KCND2: variants seen among roughly 807,000 people sequenced by gnomAD.
KCND2 encodes the protein A-type voltage-gated potassium channel KCND2.
Under a neutral mutation model 54.4 loss-of-function variants are expected in KCND2, and 16 were observed. That is an observed-to-expected ratio of 0.29 (90% CI 0.20 to 0.45). The LOEUF (loss-of-function observed/expected upper bound fraction) is 0.45. Among genes scored for constraint, KCND2 ranks in the 20% least tolerant of loss-of-function variants. KCND2 has a pLI of 1.00. For synonymous variants in KCND2, 317 were observed against 310.7 expected (o/e 1.02, Z -0.21); for missense variants, 486 against 824.2 (o/e 0.59, Z 5.02).
intron 1 of KCND2, among the ~76,000 whole-genome samples, chr7:120,381,904 A>C (rs1252409912): frequency 6.6e-6 from 1 of 152,052 alleles, no homozygotes; most frequent in Non-Finnish European, 1.5e-5. Context: ...ATGAGGTTTA[A>C]CAGTAAACTA....
At chr7:120,332,610 G>A (rs907073396) in intron 1 of KCND2, among the ~76,000 whole-genome samples, 1 of 152,034 alleles carries the variant, frequency 6.6e-6, no homozygotes, top group Non-Finnish European at 1.5e-5. Flanking sequence ...TGAATGTTTA[G>A]CACTCTGGCA....
chr7:120,589,506 C>T (rs1331316494), intron 1 of KCND2, among the ~76,000 whole-genome samples: 3 of 152,128 alleles, frequency 2.0e-5, no homozygotes, highest in Non-Finnish European at 4.4e-5. Context: ...CAGACAGAGT[C>T]GCTATTGAAG....
At position 120,371,335 on chromosome 7, in the gene KCND2, T is replaced by C. The variant is rs553739641; in HGVS notation, c.1115+95588T>C. ...TATTTTTAATCATGCTTACATACTT[T>C]GCAGCTGCTAATCTGCTGACATTTT... On this transcript the variant is annotated intron_variant, in intron 1 of 5. Transcript: ENST00000331113. Among the ~76,000 whole-genome samples the C allele has an allele frequency of 6.7e-4, 102 of 152,194 alleles. 1 individual carries two copies. Among genetic ancestry groups the C allele is most frequent in the African/African-American group, 2.4e-3 (101 of 41,566 alleles).
At chr7:120,471,310 CAAAAT>C (rs1395673753) in intron 1 of KCND2, among the ~76,000 whole-genome samples, 2 of 152,010 alleles carry the variant, frequency 1.3e-5, no homozygotes, top group African/African-American at 2.4e-5. Flanking sequence ...TATTAATCCT[CAAAAT>C]AAAGGTAACT....
intron 1 of KCND2, among the ~76,000 whole-genome samples, chr7:120,407,070 A>AG (rs1206907487): frequency 1.3e-5 from 2 of 151,926 alleles, no homozygotes; most frequent in South Asian, 2.1e-4. Flanking sequence ...GAAAAAAAAA[A>AG]TTTCCTATAA....
chr7:120,744,992 G>A (rs1022537072), intron 4 of KCND2, among the ~76,000 whole-genome samples: 7 of 152,008 alleles, frequency 4.6e-5, no homozygotes, highest in African/African-American at 7.3e-5. Flanking sequence ...TACGATATGC[G>A]AAATGATGCC....
chr7:120,695,321 A>G (rs1397724250), intron 1 of KCND2, among the ~76,000 whole-genome samples: 1 of 152,056 alleles, frequency 6.6e-6, no homozygotes, highest in Non-Finnish European at 1.5e-5. Context: ...AAGAAACAAC[A>G]ACAAAATGCA....
chr7:120,399,656 T>C (rs1001954231), intron 1 of KCND2, among the ~76,000 whole-genome samples: 2 of 151,978 alleles, frequency 1.3e-5, no homozygotes, highest in Non-Finnish European at 1.5e-5. Flanking sequence ...ATAATTTTCA[T>C]ATATATTTAT....
intron 1 of KCND2, among the ~76,000 whole-genome samples, chr7:120,304,645 A>ACTCTCTCTCCTC (rs1293507654): frequency 2.6e-5 from 4 of 151,550 alleles, no homozygotes; most frequent in African/African-American, 7.3e-5. Flanking sequence ...CAAATTAGCA[A>ACTCTCTCTCCTC]CTCTCTCTCT....
intron 1 of KCND2, among the ~76,000 whole-genome samples, chr7:120,530,599 A>C (rs1791832085): frequency 6.6e-6 from 1 of 152,128 alleles, no homozygotes; most frequent in African/African-American, 2.4e-5. Flanking sequence ...CATTTCTTCT[A>C]AGGAGCTTGT....
Position 120,406,523 on chromosome 7 carries a change from A to G in KCND2, c.1115+130776A>G, listed in dbSNP as rs192156616. The stretch of plus-strand genomic sequence containing the variant: ...TGACTTTTTTTCAAAAGCAAAACAC[A>G]TGCACACTAATAATTTAAATAACCT... On this transcript the variant is annotated intron_variant, in intron 1 of 5. Coordinates refer to ENST00000331113, the MANE Select transcript of KCND2 (RefSeq NM_012281.3). Among the ~76,000 whole-genome samples, 31 of 152,172 alleles carry G rather than the reference A, an allele frequency of 2.0e-4. No individual in the cohort carries two copies. The East Asian group carries it at 5.8e-3, about 28-fold the overall frequency.
chr7:120,549,638 C>A (rs1054824245), intron 1 of KCND2, among the ~76,000 whole-genome samples: 3 of 152,138 alleles, frequency 2.0e-5, no homozygotes, highest in African/African-American at 7.2e-5. Flanking sequence ...GTGAACTCAA[C>A]AGCAGGTTTT....
intron 1 of KCND2, among the ~76,000 whole-genome samples, chr7:120,588,764 C>T (rs751980544): frequency 3.9e-5 from 6 of 152,136 alleles, no homozygotes; most frequent in Admixed American, 2.0e-4. Flanking sequence ...AGGACAGGAA[C>T]AGGAAGAGGA....
chr7:120,458,175 T>A (rs961403288), intron 1 of KCND2, among the ~76,000 whole-genome samples: 1 of 152,150 alleles, frequency 6.6e-6, no homozygotes, highest in Admixed American at 6.5e-5. Context: ...ACTAATTTCA[T>A]AAAGAATGTG....
chr7:120,559,406 T>A (rs1423913672), intron 1 of KCND2, among the ~76,000 whole-genome samples: 1 of 152,140 alleles, frequency 6.6e-6, no homozygotes, highest in Non-Finnish European at 1.5e-5. Flanking sequence ...TCAGTTCTTC[T>A]CATTCTGCAG....
At chr7:120,740,838 A>AGAT in intron 2 of KCND2, 1 of 456,274 alleles carries the variant, frequency 2.2e-6, no homozygotes, top group South Asian at 1.6e-5. Flanking sequence ...AATACAAATC[A>AGAT]GATGCACATA....
At chr7:120,654,074 T>A (rs1791771934) in intron 1 of KCND2, among the ~76,000 whole-genome samples, 1 of 152,178 alleles carries the variant, frequency 6.6e-6, no homozygotes, top group Non-Finnish European at 1.5e-5. Context: ...TGTTTATTAT[T>A]TGCAATGATG....
chr7:120,275,602 T>C lies in KCND2; in HGVS notation c.970T>C (p.Leu324=). Residue 324 remains leucine, a synonymous_variant, in exon 1 of 6, where the codon TTG becomes CTG. Transcript: ENST00000331113. The part of the protein sequence containing the change: ...GYTLKSCASE[L]GFLLFSLTMA... Reference sequence around the variant, plus strand: ...CACACTGAAGAGTTGTGCCTCAGAATTGGGCTTCTTGCTTTTCTCGCTCAC... The same window carrying C: ...CACACTGAAGAGTTGTGCCTCAGAACTGGGCTTCTTGCTTTTCTCGCTCAC... 6.2e-7 allele frequency: 1 copy of C among 1,612,780 alleles called. No individual in the cohort carries two copies. The highest frequency in any genetic ancestry group is 8.5e-7 in the Non-Finnish European group (1 of 1,179,986).
intron 1 of KCND2, among the ~76,000 whole-genome samples, chr7:120,569,882 A>T (rs539503332): frequency 1.2e-4 from 19 of 152,252 alleles, no homozygotes; most frequent in African/African-American, 4.3e-4. Context: ...TGACAGGTTG[A>T]TGGAGCTGTA....
Sources: gnomAD v4.1 joint callset for allele counts (sites outside exome capture counted in the v4.1 genomes callset) on GRCh38, gnomAD v4.1.1 for gene constraint, MANE v1.5 for transcripts, NCBI Gene and HGNC (gene_info 2026-07-23, HGNC 2026-07-21) for gene names.